Variants in GRID2 observed in about 807,000 individuals in gnomAD.
GRID2 encodes the protein glutamate receptor ionotropic, delta-2.
A neutral mutation model predicts 114.8 loss-of-function variants in GRID2; 33 were observed. That is an observed-to-expected ratio of 0.29 (90% CI 0.22 to 0.38). The LOEUF (loss-of-function observed/expected upper bound fraction) is 0.38, where lower values mean the gene tolerates loss of function less well. Among genes scored for constraint, GRID2 ranks in the 10% least tolerant of loss-of-function variants. GRID2 has a pLI of 1.00. For missense variants in GRID2, 1,184 were observed against 1,257.7 expected (o/e 0.94, Z 0.89); for synonymous variants, 505 against 449.9 (o/e 1.12, Z -1.55).
Position 93,722,378 on chromosome 4 carries a change from C to T in GRID2, c.2361-46832C>T, listed in dbSNP as rs1024895640. On this transcript the variant is annotated intron_variant, in intron 14 of 15. Transcript: ENST00000282020. ...TCAGAATCATATCACTAGTGAGTTA[C>T]GGACCAGGAACTTTAACACAAATTT... Among the ~76,000 whole-genome samples the T allele has an allele frequency of 3.3e-5, 5 of 152,162 alleles. 1 individual carries two copies. Among genetic ancestry groups the T allele is most frequent in the South Asian group, 4.1e-4 (2 of 4,820 alleles).
chr4:92,520,367 C>T (rs1250138325), intron 1 of GRID2, among the ~76,000 whole-genome samples: 1 of 133,886 alleles, frequency 7.5e-6, no homozygotes, highest in Non-Finnish European at 1.7e-5. Context: ...TACACATGAA[C>T]ATATTGATAA....
intron 1 of GRID2, among the ~76,000 whole-genome samples, chr4:92,417,175 T>A (rs1731658280): frequency 6.6e-6 from 1 of 152,120 alleles, no homozygotes; most frequent in African/African-American, 2.4e-5. Flanking sequence ...AAAAATAAAT[T>A]TTTGTTTTTG....
chr4:92,842,327 C>G (rs1329702696), intron 2 of GRID2, among the ~76,000 whole-genome samples: 1 of 152,090 alleles, frequency 6.6e-6, no homozygotes, highest in Non-Finnish European at 1.5e-5. Context: ...CAATGCTCAC[C>G]ATCTACTATA....
intron 2 of GRID2, among the ~76,000 whole-genome samples, chr4:92,729,877 G>A (rs1350600484): frequency 6.6e-6 from 1 of 151,834 alleles, no homozygotes; most frequent in East Asian, 1.9e-4. Flanking sequence ...GGTTTCCCAT[G>A]TACTAAAACC....
At chr4:92,776,728 T>A (rs890590785) in intron 2 of GRID2, among the ~76,000 whole-genome samples, 3 of 152,076 alleles carry the variant, frequency 2.0e-5, no homozygotes, top group African/African-American at 4.8e-5. Context: ...TACAATAAAA[T>A]GAAGGTCTGC....
chr4:93,078,388 A>G (rs952151210), intron 2 of GRID2, among the ~76,000 whole-genome samples: 1 of 151,942 alleles, frequency 6.6e-6, no homozygotes, highest in African/African-American at 2.4e-5. Flanking sequence ...AAACATTCAT[A>G]TGAATATCTT....
rs1721234200 is a variant in GRID2 at position 92,456,732 on chromosome 4, T to G, written c.89-133399T>G. ...AAGCAATATGTAAATTACAGCAATA[T>G]ACAAGCTACTGTATATTAGTAGGGA... On this transcript the variant is annotated intron_variant, in intron 1 of 15. Transcript: ENST00000282020. Among the ~76,000 whole-genome samples the G allele has an allele frequency of 1.3e-5, 2 of 152,286 alleles. 1 individual carries two copies. Among genetic ancestry groups the G allele is most frequent in the East Asian group, 3.9e-4 (2 of 5,178 alleles).
intron 2 of GRID2, among the ~76,000 whole-genome samples, chr4:92,787,871 G>A (rs1739395521): frequency 6.6e-6 from 1 of 151,816 alleles, no homozygotes; most frequent in Non-Finnish European, 1.5e-5. Flanking sequence ...CTTTTGAAGT[G>A]AGTGTCATCA....
intron 1 of GRID2, among the ~76,000 whole-genome samples, chr4:92,401,027 A>G (rs1376159818): frequency 6.6e-6 from 1 of 152,096 alleles, no homozygotes; most frequent in Admixed American, 6.6e-5. Flanking sequence ...ACTTTCTCCC[A>G]TTCTGTGGGC....
chr4:92,682,279 AG>A lies in GRID2; in HGVS notation c.244+91995del, dbSNP rs1417042287. 3.3e-5 allele frequency among the ~76,000 whole-genome samples: 5 copies of A among 152,138 alleles called. No homozygotes were observed. The East Asian group carries it at 9.7e-4, about 29-fold the overall frequency. On this transcript the variant is annotated intron_variant, in intron 2 of 15. Transcript: ENST00000282020. ...TCTTATTAATAGAGTCCAAATATTC[AG>A]GTTTCTTAACCTCCCAAATGCCCTG...
At chr4:93,651,788 A>G (rs146923998) in intron 14 of GRID2, among the ~76,000 whole-genome samples, 68 of 152,294 alleles carry the variant, frequency 4.5e-4, no homozygotes, top group Middle Eastern at 3.4e-3. Context: ...CCCATTTAAC[A>G]AGTATTTGTT....
chr4:93,161,439 T>C (rs1322202161), intron 4 of GRID2, among the ~76,000 whole-genome samples: 1 of 151,884 alleles, frequency 6.6e-6, no homozygotes, highest in African/African-American at 2.4e-5. Context: ...AAGGCCTTAA[T>C]TAATATTTGA....
intron 8 of GRID2, among the ~76,000 whole-genome samples, chr4:93,382,513 T>G (rs773065452): frequency 9.2e-5 from 14 of 152,068 alleles, no homozygotes; most frequent in Admixed American, 7.2e-4. Flanking sequence ...AAATCTACCT[T>G]TGAAAATCTC....
At chr4:92,906,983 C>G (rs1007450951) in intron 2 of GRID2, among the ~76,000 whole-genome samples, 3 of 152,104 alleles carry the variant, frequency 2.0e-5, no homozygotes, top group African/African-American at 4.8e-5. Context: ...ATCTTATGAT[C>G]CCCAGGTGTT....
rs369280711 is a variant in GRID2 at position 93,282,201 on chromosome 4, C to G, written c.1245+43711C>G. Among the ~76,000 whole-genome samples the G allele has an allele frequency of 1.6e-4, 24 of 152,082 alleles. No homozygotes were observed. The East Asian group carries it at 3.1e-3, about 20-fold the overall frequency. ...TAAGGGAGAAAATTCATGTTCATTT[C>G]CTTTAAGGATCTCTTTGCTTTAAAA... On this transcript the variant is annotated intron_variant, in intron 8 of 15. Coordinates refer to ENST00000282020, the MANE Select transcript of GRID2 (RefSeq NM_001510.4).
intron 13 of GRID2, among the ~76,000 whole-genome samples, chr4:93,584,364 A>G (rs1737325965): frequency 6.6e-6 from 1 of 152,152 alleles, no homozygotes; most frequent in Non-Finnish European, 1.5e-5. Context: ...TAAGTATTTG[A>G]GGATGTTGAC....
chr4:93,265,003 G>A lies in GRID2; in HGVS notation c.1245+26513G>A, dbSNP rs200409329. Reference sequence around the variant, plus strand: ...TCACCATTTTGGCCAGGATGGTCTCGATCTCTTGACCTCATGATCTGCCCA... The same window carrying A: ...TCACCATTTTGGCCAGGATGGTCTCAATCTCTTGACCTCATGATCTGCCCA... On this transcript the variant is annotated intron_variant, in intron 8 of 15. Coordinates refer to ENST00000282020, the MANE Select transcript of GRID2 (RefSeq NM_001510.4). Among the ~76,000 whole-genome samples, 12 of 151,618 alleles carry A rather than the reference G, an allele frequency of 7.9e-5. No homozygotes were observed. The East Asian group carries it at 2.1e-3, about 27-fold the overall frequency.
intron 8 of GRID2, among the ~76,000 whole-genome samples, chr4:93,298,916 G>A (rs1211305972): frequency 1.3e-5 from 2 of 152,188 alleles, no homozygotes; most frequent in African/African-American, 4.8e-5. Context: ...CAAAATGTCA[G>A]TTGGGACTCA....
At chr4:92,492,688 G>C (rs186740006) in intron 1 of GRID2, among the ~76,000 whole-genome samples, 9 of 152,124 alleles carry the variant, frequency 5.9e-5, no homozygotes, top group Admixed American at 4.6e-4. Flanking sequence ...AAGCTCAAAG[G>C]CTCCTAGGAA....
Sources: allele counts gnomAD v4.1 joint callset (sites outside exome capture counted in the v4.1 genomes callset), GRCh38; gene constraint gnomAD v4.1.1; transcripts MANE v1.5; gene names NCBI Gene and HGNC (gene_info 2026-07-23, HGNC 2026-07-21).